SLC25A48: variants seen among roughly 807,000 people sequenced by gnomAD.
The protein encoded by SLC25A48 is solute carrier family 25 member 48, also known as CTC-321K16.1.
Under a neutral mutation model 32.2 loss-of-function variants are expected in SLC25A48, and 29 were observed. The observed-to-expected ratio is 0.90, with a 90% confidence interval of 0.67 to 1.23. SLC25A48 has a LOEUF of 1.23. Among genes scored for constraint, SLC25A48 ranks in the 50% most tolerant of loss-of-function variants. SLC25A48 has a pLI of 0.00. For missense variants in SLC25A48, 399 were observed against 422.7 expected (o/e 0.94, Z 0.49); for synonymous variants, 164 against 172.3 (o/e 0.95, Z 0.38).
chr5:135,676,852 G>A (rs1445229826), intron 3 of SLC25A48, among the ~76,000 whole-genome samples: 6 of 151,994 alleles, frequency 3.9e-5, no homozygotes, highest in Non-Finnish European at 8.8e-5. Flanking sequence ...AAAATTTGTT[G>A]AGATTTGTTT....
At chr5:135,863,240 A>T (rs1308758263) in intron 4 of SLC25A48, among the ~76,000 whole-genome samples, 1 of 152,228 alleles carries the variant, frequency 6.6e-6, no homozygotes, top group Non-Finnish European at 1.5e-5. Context: ...CAAATGAAAC[A>T]TCTAAGACGG....
intron 3 of SLC25A48, among the ~76,000 whole-genome samples, chr5:135,698,825 T>C (rs1275895073): frequency 6.6e-6 from 1 of 152,238 alleles, no homozygotes; most frequent in African/African-American, 2.4e-5. Context: ...ATCCAGAATA[T>C]ATATTTTAAA....
chr5:135,784,020 AT>A (rs1388925815), intron 3 of SLC25A48, among the ~76,000 whole-genome samples: 1 of 117,860 alleles, frequency 8.5e-6, no homozygotes, highest in Non-Finnish European at 2.1e-5. Flanking sequence ...ATCCTGTGAT[AT>A]TGTTTCTAAT....
At chr5:135,776,227 A>T (rs1756553832) in intron 3 of SLC25A48, among the ~76,000 whole-genome samples, 1 of 145,804 alleles carries the variant, frequency 6.9e-6, no homozygotes, top group Admixed American at 6.9e-5. Flanking sequence ...CAATATCTCA[A>T]AGGGTGTAAA....
chr5:135,788,015 G>A (rs1756895038), intron 3 of SLC25A48, among the ~76,000 whole-genome samples: 1 of 151,856 alleles, frequency 6.6e-6, no homozygotes, highest in South Asian at 2.1e-4. Flanking sequence ...TGTAATTTCT[G>A]TATATTATTT....
chr5:135,632,128 G>A (rs747083300), intron 2 of SLC25A48, among the ~76,000 whole-genome samples: 11 of 152,186 alleles, frequency 7.2e-5, no homozygotes, highest in Non-Finnish European at 1.6e-4. Context: ...TTGGAGGCCC[G>A]ATCCATGGTG....
At chr5:135,835,671 C>T (rs1032551366) in intron 1 of SLC25A48, among the ~76,000 whole-genome samples, 10 of 98,880 alleles carry the variant, frequency 1.0e-4, no homozygotes, top group African/African-American at 4.7e-4. Context: ...AGGGACTTTG[C>T]TAATTGTAAA....
At chr5:135,793,200 G>A (rs1561495757) in intron 3 of SLC25A48, among the ~76,000 whole-genome samples, 1 of 151,676 alleles carries the variant, frequency 6.6e-6, no homozygotes, top group Non-Finnish European at 1.5e-5. Context: ...TGTACACCAT[G>A]TGTGTACACC....
intron 3 of SLC25A48, among the ~76,000 whole-genome samples, chr5:135,728,871 CACACACACACACAT>C (rs1462940749): frequency 2.6e-5 from 4 of 151,104 alleles, no homozygotes; most frequent in African/African-American, 9.7e-5. Context: ...CACACACACA[CACACACACACACAT>C]ACACACACAC....
chr5:135,797,795 A>C (rs1561498085), intron 3 of SLC25A48, among the ~76,000 whole-genome samples: 1 of 151,800 alleles, frequency 6.6e-6, no homozygotes, highest in Non-Finnish European at 1.5e-5. Flanking sequence ...GGGGATGTAC[A>C]CCAGCCCTGT....
At position 135,784,780 on chromosome 5, in the gene SLC25A48, ATTG is replaced by A. The variant is rs1370291748; in HGVS notation, c.-520-27740_-520-27738del. Among the ~76,000 whole-genome samples the A allele has an allele frequency of 5.1e-4, 60 of 118,336 alleles. 6 individuals are homozygous for A. The highest frequency in any genetic ancestry group is 1.5e-3 in the African/African-American group (57 of 38,904). The allele number at this position is 118,336 out of a possible 152,430, so 77.6% of individuals were successfully genotyped here. A position where few individuals can be genotyped will look rare whatever the true frequency, so the allele number is the denominator to read the frequency against. On this transcript the variant is annotated intron_variant, in intron 3 of 10. Transcript: ENST00000646290. ...ACCCAGTGTACACCCCCTCTGTGATATTGTTATTAACATCATAAAAGTGAAAGC... is the reference window on the plus strand; with the variant it reads ...ACCCAGTGTACACCCCCTCTGTGATATTATTAACATCATAAAAGTGAAAGC...
chr5:135,601,417 C>T (rs1751793348), intron 1 of SLC25A48, among the ~76,000 whole-genome samples: 1 of 152,154 alleles, frequency 6.6e-6, no homozygotes, highest in Non-Finnish European at 1.5e-5. Flanking sequence ...CCTTAATTCT[C>T]ACCTTCCTAG....
chr5:135,881,105 G>C (rs27427), intron 7 of SLC25A48, among the ~76,000 whole-genome samples: 24,575 of 152,164 alleles, frequency 0.16, 2,973 homozygotes, highest in African/African-American at 0.33. Context: ...ACCCCCATAT[G>C]CCCTCAGGCC....
intron 3 of SLC25A48, among the ~76,000 whole-genome samples, chr5:135,730,795 G>A (rs887454413): frequency 2.0e-5 from 3 of 152,220 alleles, no homozygotes; most frequent in African/African-American, 7.2e-5. Flanking sequence ...GGTCTTAGAT[G>A]GAGATGAGGA....
intron 3 of SLC25A48, among the ~76,000 whole-genome samples, chr5:135,784,068 C>T (rs1256306844): frequency 1.7e-5 from 2 of 117,194 alleles, no homozygotes; most frequent in African/African-American, 5.2e-5. Context: ...CTGTCAATAT[C>T]GCAGGAGGTG....
intron 3 of SLC25A48, among the ~76,000 whole-genome samples, chr5:135,724,379 T>G (rs1484160688): frequency 6.6e-6 from 1 of 150,434 alleles, no homozygotes; most frequent in Non-Finnish European, 1.5e-5. Flanking sequence ...CCATACCTCC[T>G]TGGAGCCCCC....
In SLC25A48 at chr5:135,734,715, G is replaced by T. The variant is rs190607550; in HGVS notation, c.-520-77808G>T. Among the ~76,000 whole-genome samples, 1,514 of 152,004 alleles carry T rather than the reference G, an allele frequency of 1.0e-2. 31 individuals carry two copies. The highest frequency in any genetic ancestry group is 0.034 in the African/African-American group (1,424 of 41,448). ...GCCTGTAGTCCCAGCTACTCAGGAG[G>T]CTGAGGCAGGAGAGTGGCGTGAACC... On this transcript the variant is annotated intron_variant, in intron 3 of 10. Coordinates refer to the SLC25A48 transcript ENST00000646290.
chr5:135,864,932 G>A (rs575446519), intron 4 of SLC25A48, among the ~76,000 whole-genome samples: 36 of 152,382 alleles, frequency 2.4e-4, no homozygotes, highest in Admixed American at 2.2e-3. Flanking sequence ...GCAGGTCACA[G>A]CTGCCTGCAG....
chr5:135,808,487 C>G lies in SLC25A48; in HGVS notation c.-520-4036C>G, dbSNP rs555766465. Among the ~76,000 whole-genome samples, 15 of 152,144 alleles carry G rather than the reference C, an allele frequency of 9.9e-5. No homozygotes were observed. The East Asian group carries it at 2.9e-3, about 29-fold the overall frequency. On this transcript the variant is annotated intron_variant, in intron 3 of 10. Coordinates refer to the SLC25A48 transcript ENST00000646290. ...CCCCCTCACTTCCCTCCAAAGAATACTTTACCATAACCATTTAGTGCTTAA... is the reference window on the plus strand; with the variant it reads ...CCCCCTCACTTCCCTCCAAAGAATAGTTTACCATAACCATTTAGTGCTTAA...
Sources: allele counts gnomAD v4.1 joint callset (sites outside exome capture counted in the v4.1 genomes callset), GRCh38; gene constraint gnomAD v4.1.1; transcripts MANE v1.5; gene names NCBI Gene and HGNC (gene_info 2026-07-23, HGNC 2026-07-21).